Variants in CCBE1 observed in about 807,000 individuals in gnomAD.
CCBE1 encodes collagen and calcium binding EGF domains 1.
Under a neutral mutation model 50.0 loss-of-function variants are expected in CCBE1, and 37 were observed. The observed-to-expected ratio is 0.74, with a 90% CI of 0.57 to 0.97. CCBE1 has a LOEUF of 0.97. Ranked by LOEUF, CCBE1 falls within the 50% of genes least tolerant of loss-of-function variation. The pLI is 0.00. For synonymous variants in CCBE1, 234 were observed against 203.7 expected, an observed-to-expected ratio of 1.15 and a Z score of -1.27; for missense variants, 538 against 523.8, an observed-to-expected ratio of 1.03 and a Z score of -0.26.
intron 2 of CCBE1, among the ~76,000 whole-genome samples, chr18:59,487,941 T>C (rs1226739108): frequency 6.6e-6 from 1 of 152,138 alleles, no homozygotes; most frequent in Non-Finnish European, 1.5e-5. Context: ...GGTAGACACA[T>C]CCCAATGTCC....
intron 2 of CCBE1, among the ~76,000 whole-genome samples, chr18:59,633,678 G>A (rs1258093349): frequency 6.6e-6 from 1 of 151,442 alleles, no homozygotes; most frequent in Admixed American, 6.6e-5. Flanking sequence ...ATAGCCAACA[G>A]AACGAAGCCA....
intron 9 of CCBE1, among the ~76,000 whole-genome samples, chr18:59,439,103 G>A (rs1034536977): frequency 2.0e-5 from 3 of 152,068 alleles, no homozygotes; most frequent in Non-Finnish European, 4.4e-5. Context: ...TGGCTAACAC[G>A]ATGAAACCCT....
Position 59,658,879 on chromosome 18 carries a change from CAAAAAAAAAAAAAA to C in CCBE1, c.212+37736_212+37749del, listed in dbSNP as rs61226521. 9.1e-5 allele frequency among the ~76,000 whole-genome samples: 5 copies of C among 54,732 alleles called. No individual in the cohort carries two copies. The South Asian group carries it at 3.8e-3, about 42-fold the overall frequency. The allele number at this position is 54,732 out of a possible 152,430, so 35.9% of individuals were successfully genotyped here. A position where few individuals can be genotyped will look rare whatever the true frequency, so the allele number is the denominator to read the frequency against. On this transcript the variant is annotated intron_variant, in intron 2 of 10. Coordinates refer to ENST00000439986, the MANE Select transcript of CCBE1 (RefSeq NM_133459.4). ...TGGGCAACAGAGCAAGACTCTGTCT[CAAAAAAAAAAAAAA>C]AAAAAAAAAAAAACTGTTACCAGAT...
intron 2 of CCBE1, among the ~76,000 whole-genome samples, chr18:59,666,626 G>T (rs575048954): frequency 2.0e-5 from 3 of 151,718 alleles, no homozygotes; most frequent in Admixed American, 1.3e-4. Context: ...AGGTGGGGGG[G>T]TGGGGGCAGG....
At chr18:59,451,494 G>A (rs1044423342) in intron 6 of CCBE1, among the ~76,000 whole-genome samples, 15 of 149,400 alleles carry the variant, frequency 1.0e-4, no homozygotes, top group Non-Finnish European at 2.2e-4. Context: ...GTGCTCTCGC[G>A]GGACAGAGAC....
chr18:59,692,674 C>T (rs2054747870), intron 2 of CCBE1, among the ~76,000 whole-genome samples: 1 of 152,176 alleles, frequency 6.6e-6, no homozygotes, highest in African/African-American at 2.4e-5. Context: ...CACATTCTCA[C>T]AAGACTTGGC....
At chr18:59,506,845 T>A (rs985954905) in intron 2 of CCBE1, among the ~76,000 whole-genome samples, 1 of 152,192 alleles carries the variant, frequency 6.6e-6, no homozygotes, top group Non-Finnish European at 1.5e-5. Flanking sequence ...AACTGGAAAG[T>A]ATCAACCTAA....
At chr18:59,597,758 T>C (rs571715932) in intron 2 of CCBE1, among the ~76,000 whole-genome samples, 9 of 152,198 alleles carry the variant, frequency 5.9e-5, no homozygotes, top group Admixed American at 4.6e-4. Context: ...TTCTCAGGAA[T>C]GGTTTGCATG....
chr18:59,645,735 AAG>A (rs2144655393), intron 2 of CCBE1, among the ~76,000 whole-genome samples: 1 of 152,310 alleles, frequency 6.6e-6, no homozygotes, highest in Admixed American at 6.5e-5. Context: ...CCTGCCTTAA[AAG>A]TATCAAAAGA....
At chr18:59,549,146 C>G (rs1363772198) in intron 2 of CCBE1, among the ~76,000 whole-genome samples, 1 of 151,210 alleles carries the variant, frequency 6.6e-6, no homozygotes, top group East Asian at 1.9e-4. Context: ...TGAGGGTCTT[C>G]TTTTCACTTG....
intron 2 of CCBE1, among the ~76,000 whole-genome samples, chr18:59,668,315 G>A (rs1410237600): frequency 6.6e-6 from 1 of 152,056 alleles, no homozygotes; most frequent in Non-Finnish European, 1.5e-5. Flanking sequence ...CTACTCTGGA[G>A]GCTGAAGCAG....
intron 6 of CCBE1, among the ~76,000 whole-genome samples, chr18:59,448,598 G>A (rs1265844015): frequency 1.3e-5 from 2 of 152,150 alleles, no homozygotes; most frequent in Non-Finnish European, 2.9e-5. Flanking sequence ...CTGACCTTCA[G>A]TACAACTGGG....
intron 2 of CCBE1, among the ~76,000 whole-genome samples, chr18:59,612,815 G>GTTTTTT (rs796066639): frequency 8.7e-6 from 1 of 114,938 alleles, no homozygotes; most frequent in Non-Finnish European, 1.8e-5. Flanking sequence ...AATCTCAAGG[G>GTTTTTT]TTTTTTTTTT....
intron 2 of CCBE1, among the ~76,000 whole-genome samples, chr18:59,612,830 TTTTTTG>T (rs1192075339): frequency 2.2e-4 from 25 of 114,008 alleles, no homozygotes; most frequent in East Asian, 8.2e-4. Context: ...TTTTTTGTTT[TTTTTTG>T]TTTTTGTTTT....
intron 9 of CCBE1, 127 bp from the exon 10 acceptor site, chr18:59,438,273 T>A: frequency 1.1e-6 from 1 of 882,264 alleles, no homozygotes; most frequent in Non-Finnish European, 1.9e-6. Flanking sequence ...AGAAAACATA[T>A]GTAAAACTGA....
intron 1 of CCBE1, 42 bp from the exon 2 acceptor site, chr18:59,696,751 G>A (rs1354158743): frequency 3.1e-6 from 5 of 1,599,648 alleles, no homozygotes; most frequent in Non-Finnish European, 4.3e-6. Context: ...CTCAGCGGGA[G>A]AGCGGAGGCG....
rs568640502 is a variant in CCBE1 at position 59,621,582 on chromosome 18, A to G, written c.212+75047T>C. 2.0e-5 allele frequency among the ~76,000 whole-genome samples: 3 copies of G among 152,210 alleles called. 1 individual carries two copies. In the South Asian group the frequency reaches 6.2e-4, roughly 32 times the overall value. ...ATTACATGGGCTATAACTGAATCCC[A>G]GAACAATCCTTCAAGTAACACAGGA... On this transcript the variant is annotated intron_variant, in intron 2 of 10. Transcript: ENST00000439986.
At chr18:59,476,776 T>G (rs1034369149) in intron 3 of CCBE1, among the ~76,000 whole-genome samples, 6 of 152,242 alleles carry the variant, frequency 3.9e-5, no homozygotes, top group African/African-American at 1.2e-4. Context: ...CATGTCAACT[T>G]GGCTAGGCCA....
At chr18:59,516,784 C>G (rs1010343649) in intron 2 of CCBE1, among the ~76,000 whole-genome samples, 2 of 152,170 alleles carry the variant, frequency 1.3e-5, no homozygotes, top group Non-Finnish European at 2.9e-5. Flanking sequence ...ACCTGCACAG[C>G]GGCCAGAACA....
Sources: allele counts gnomAD v4.1 joint callset (sites outside exome capture counted in the v4.1 genomes callset), GRCh38; gene constraint gnomAD v4.1.1; transcripts MANE v1.5; gene names NCBI Gene and HGNC (gene_info 2026-07-23, HGNC 2026-07-21).